The following FMN2 variants were observed in gnomAD, a reference collection of about 807,000 sequenced individuals.
The protein encoded by FMN2 is formin 2.
FMN2 carries 51 observed loss-of-function variants against 142.3 expected under a neutral mutation model. That is an observed-to-expected ratio of 0.36 (90% CI 0.29 to 0.45). FMN2 has a LOEUF of 0.45. Among genes scored for constraint, FMN2 ranks in the 20% least tolerant of loss-of-function variants. The pLI is 1.00. For synonymous variants in FMN2, 882 were observed against 869.8 expected (o/e 1.01, Z -0.25); for missense variants, 1,936 against 2,122.8 (o/e 0.91, Z 1.73).
chr1:240,155,665 T>G (rs991623521), intron 2 of FMN2, among the ~76,000 whole-genome samples: 3 of 152,192 alleles, frequency 2.0e-5, no homozygotes, highest in African/African-American at 7.2e-5. Context: ...GAGATGGAAA[T>G]AATTCATTTT....
chr1:240,193,974 C>G (rs1665812937), intron 4 of FMN2, among the ~76,000 whole-genome samples: 1 of 152,186 alleles, frequency 6.6e-6, no homozygotes, highest in East Asian at 1.9e-4. Flanking sequence ...TTATCACTCA[C>G]TATTTCCTGT....
chr1:240,228,301 C>T (rs547279835), intron 6 of FMN2, among the ~76,000 whole-genome samples: 1 of 30,388 alleles, frequency 3.3e-5, no homozygotes, highest in Admixed American at 5.9e-4. Flanking sequence ...GAAACTCTGT[C>T]TCAAAAAAAA....
chr1:240,128,305 C>T (rs946122024), intron 2 of FMN2, among the ~76,000 whole-genome samples: 1 of 152,142 alleles, frequency 6.6e-6, no homozygotes, highest in African/African-American at 2.4e-5. Flanking sequence ...CAGCCAACCA[C>T]ACTTATCTTA....
intron 6 of FMN2, among the ~76,000 whole-genome samples, chr1:240,225,164 A>T (rs532204609): frequency 6.6e-6 from 1 of 152,308 alleles, no homozygotes; most frequent in African/African-American, 2.4e-5. Context: ...TAAAAATAAT[A>T]TTGCAGTCAT....
At chr1:240,382,960 A>G (rs1026112739) in intron 14 of FMN2, among the ~76,000 whole-genome samples, 10 of 152,174 alleles carry the variant, frequency 6.6e-5, no homozygotes, top group African/African-American at 2.2e-4. Flanking sequence ...ACAAAGCCAC[A>G]TATGTACAAC....
At chr1:240,211,429 T>C (rs143780456) in intron 6 of FMN2, among the ~76,000 whole-genome samples, 194 bp downstream of exon 6, 210 of 152,354 alleles carry the variant, frequency 1.4e-3, no homozygotes, top group African/African-American at 4.9e-3. Context: ...ATTATCTCCA[T>C]CCAGTGATAA....
In FMN2 at chr1:240,092,572, G is replaced by A. The variant is rs754093554; in HGVS notation, c.463G>A (p.Gly155Arg). ...TCCTGGGCCTGCCGAGGCTAGGGTC[G>A]GGGGCCGGCCGATCGCCGAGGATGT... ...GGPGPAEARV[G>R]GRPIAEDVET... Residue 155 changes from glycine (G) to arginine (R), a missense_variant, in exon 1 of 18, where the codon GGG becomes AGG. Coordinates refer to ENST00000319653, the MANE Select transcript of FMN2 (RefSeq NM_020066.5). 3 of 1,613,464 alleles carry A rather than the reference G, an allele frequency of 1.9e-6. No individual in the cohort carries two copies. The highest frequency in any genetic ancestry group is 2.5e-6 in the Non-Finnish European group (3 of 1,179,892).
Position 240,208,521 on chromosome 1 carries a change from C to T in FMN2, c.3709C>T (p.Leu1237=), listed in dbSNP as rs111521184. Residue 1237 remains leucine (L), a synonymous_variant, in exon 5 of 18, where the codon CTG becomes TTG. Coordinates refer to ENST00000319653, the MANE Select transcript of FMN2 (RefSeq NM_020066.5). ...PPGTGIPPPP[L]LPVSGPPLLP... ...TGGGACAGGAATCCCACCGCCCCCT[C>T]TGCTTCCTGTATCAGGCCCTCCACT... 22 of 1,612,970 alleles carry T rather than the reference C, an allele frequency of 1.4e-5. 1 individual carries two copies. The South Asian group carries it at 2.3e-4, about 17-fold the overall frequency.
chr1:240,106,448 G>A (rs1661612474), intron 1 of FMN2, among the ~76,000 whole-genome samples: 3 of 152,074 alleles, frequency 2.0e-5, no homozygotes, highest in Non-Finnish European at 4.4e-5. Flanking sequence ...GTTTCAAACT[G>A]AACTCATCTT....
At chr1:240,447,554 T>A (rs1675869156) in intron 16 of FMN2, among the ~76,000 whole-genome samples, 1 of 152,216 alleles carries the variant, frequency 6.6e-6, no homozygotes, top group Non-Finnish European at 1.5e-5. Context: ...GTGTTGCAGA[T>A]GATGAGAATG....
chr1:240,430,446 T>A (rs1675124768), intron 15 of FMN2, among the ~76,000 whole-genome samples: 1 of 152,254 alleles, frequency 6.6e-6, no homozygotes, highest in East Asian at 1.9e-4. Flanking sequence ...CCAACTCTTA[T>A]GAGTATGAAA....
intron 5 of FMN2, among the ~76,000 whole-genome samples, 192 bp from the exon 6 acceptor site, chr1:240,210,899 A>G (rs940419151): frequency 5.3e-5 from 8 of 152,170 alleles, no homozygotes; most frequent in African/African-American, 1.7e-4. Flanking sequence ...TGGTATTTCA[A>G]CTTTCCCATT....
In FMN2 at chr1:240,356,961, A is replaced by C. The variant is rs188030267; in HGVS notation, c.4858+1053A>C. On this transcript the variant is annotated intron_variant, in intron 14 of 17. Transcript: ENST00000319653. ...CGTTGAATGTCATTTTCAAATTCTG[A>C]GGTCTTCATAACTTAGAGTGGAAAA... Among the ~76,000 whole-genome samples, 401 of 152,348 alleles carry C rather than the reference A, an allele frequency of 2.6e-3. 3 individuals carry two copies. The highest frequency in any genetic ancestry group is 8.9e-3 in the African/African-American group (368 of 41,580).
At chr1:240,310,708 A>G (rs1024617512) in intron 8 of FMN2, among the ~76,000 whole-genome samples, 1 of 152,178 alleles carries the variant, frequency 6.6e-6, no homozygotes, top group Admixed American at 6.5e-5. Flanking sequence ...ATCTTGAAAT[A>G]TACTCCTTAT....
chr1:240,167,842 C>T (rs922326001), intron 2 of FMN2, among the ~76,000 whole-genome samples: 38 of 151,924 alleles, frequency 2.5e-4, no homozygotes, highest in African/African-American at 8.4e-4. Flanking sequence ...TTTGGGAGGC[C>T]GAGGCGAGTG....
intron 16 of FMN2, among the ~76,000 whole-genome samples, chr1:240,453,330 C>G (rs1034155773): frequency 1.3e-5 from 2 of 152,128 alleles, no homozygotes; most frequent in Non-Finnish European, 2.9e-5. Flanking sequence ...AAACATGAAT[C>G]GAAGCATTAC....
At chr1:240,145,248 G>A (rs1206602908) in intron 2 of FMN2, 2 of 1,478,882 alleles carry the variant, frequency 1.4e-6, no homozygotes, top group Non-Finnish European at 1.9e-6. Flanking sequence ...GACAGCTCCT[G>A]TTCTTTGTCC....
rs1435966294 is a variant in FMN2 at position 240,226,829 on chromosome 1, CACACAT to C, written c.4065+15600_4065+15605del. On this transcript the variant is annotated intron_variant, in intron 6 of 17. Coordinates refer to ENST00000319653, the MANE Select transcript of FMN2 (RefSeq NM_020066.5). ...TTAGTGACACACACACACACACACACACACATACACACACACACACAAATGGGACTA... is the reference window on the plus strand; with the variant it reads ...TTAGTGACACACACACACACACACACACACACACACACACAAATGGGACTA... Among the ~76,000 whole-genome samples, 406 of 151,896 alleles carry C rather than the reference CACACAT, an allele frequency of 2.7e-3. 3 individuals are homozygous for C. The highest frequency in any genetic ancestry group is 0.027 in the South Asian group (128 of 4,812).
intron 14 of FMN2, among the ~76,000 whole-genome samples, chr1:240,367,584 C>T (rs576445923): frequency 2.7e-4 from 41 of 151,734 alleles, no homozygotes; most frequent in East Asian, 1.9e-3. Context: ...CTGGCTAACA[C>T]GGTGAAACCC....
Sources: allele counts gnomAD v4.1 joint callset (sites outside exome capture counted in the v4.1 genomes callset), GRCh38; gene constraint gnomAD v4.1.1; transcripts MANE v1.5; gene names NCBI Gene and HGNC (gene_info 2026-07-23, HGNC 2026-07-21).